Variants in UGT1A1 observed in about 807,000 individuals in gnomAD.
The protein encoded by UGT1A1 is UDP-glucuronosyltransferase 1A1.
Under a neutral mutation model 40.6 loss-of-function variants are expected in UGT1A1, and 33 were observed. The observed-to-expected ratio is 0.81, with a 90% CI of 0.62 to 1.09. UGT1A1 has a LOEUF of 1.09. UGT1A1 is among the 50% of genes least tolerant of loss of function. The pLI is 0.00. For synonymous variants in UGT1A1, 249 were observed against 265.0 expected (o/e 0.94, Z 0.59); for missense variants, 694 against 671.2 (o/e 1.03, Z -0.38).
Position 233,768,303 on chromosome 2 carries a change from A to C in UGT1A1, c.1168A>C (p.Met390Leu). The change falls in exon 4 of 5, where the codon ATG (methionine) becomes CTG (leucine). Residue 390 changes from methionine (M) to leucine (L), a missense_variant. Met to Leu is a conservative substitution (Grantham distance 15, BLOSUM62 2). Coordinates refer to ENST00000305208, the MANE Select transcript of UGT1A1 (RefSeq NM_000463.3). ...ESICNGVPMV[M>L]MPLFGDQMDN... ...CATATGCAATGGCGTTCCCATGGTG[A>C]TGATGCCCTTGTTTGGTGATCAGAT... 2 of 1,614,200 alleles carry C rather than the reference A, an allele frequency of 1.2e-6. No individual in the cohort carries two copies. Among genetic ancestry groups the C allele is most frequent in the Non-Finnish European group, 1.7e-6 (2 of 1,180,040 alleles).
intron 1 of UGT1A1, among the ~76,000 whole-genome samples, chr2:233,766,473 C>CA (rs574900488): frequency 1.1e-4 from 17 of 152,240 alleles, no homozygotes; most frequent in African/African-American, 4.1e-4. Context: ...TTTTTATAGG[C>CA]ACATGATGGG....
Position 233,772,354 on chromosome 2 carries a change from T to C in UGT1A1, c.1397T>C (p.Met466Thr). 1 of 1,614,252 alleles carries C rather than the reference T, an allele frequency of 6.2e-7. No individual in the cohort carries two copies. The highest frequency in any genetic ancestry group is 8.5e-7 in the Non-Finnish European group (1 of 1,180,050). ...GCCGTGTTCTGGGTGGAGTTTGTGATGAGGCACAAGGGCGCGCCACACCTG... is the reference window on the plus strand; with the variant it reads ...GCCGTGTTCTGGGTGGAGTTTGTGACGAGGCACAAGGGCGCGCCACACCTG... ...DLAVFWVEFV[M>T]RHKGAPHLRP... Residue 466 changes from methionine to threonine, a missense_variant, in exon 5 of 5, where the codon ATG becomes ACG. Transcript: ENST00000305208.
intron 2 of UGT1A1, 121 bp downstream of exon 2, chr2:233,767,286 C>T (rs967346318): frequency 1.9e-6 from 3 of 1,568,700 alleles, no homozygotes; most frequent in Non-Finnish European, 2.6e-6. Flanking sequence ...CCTGCCACTT[C>T]CCAACTATTA....
chr2:233,772,230 T>C (rs1167373810), intron 4 of UGT1A1, 32 bp from the exon 5 acceptor site: 1 of 1,613,798 alleles, frequency 6.2e-7, no homozygotes. Flanking sequence ...CCACAGGTGT[T>C]CCAGGCATAA....
intron 4 of UGT1A1, among the ~76,000 whole-genome samples, chr2:233,771,773 T>C (rs1700376889): frequency 6.6e-6 from 1 of 152,072 alleles, no homozygotes; most frequent in Non-Finnish European, 1.5e-5. Context: ...CGTCCCTCTC[T>C]CCTTTCCTCT....
intron 3 of UGT1A1, 107 bp from the exon 4 acceptor site, chr2:233,768,113 G>A (rs1271698331): frequency 1.3e-6 from 2 of 1,597,544 alleles, no homozygotes; most frequent in African/African-American, 2.7e-5. Context: ...TTTCTGCAAG[G>A]GCATGTGAGT....
Position 233,761,237 on chromosome 2 carries a change from G to A in UGT1A1, c.864+86G>A, listed in dbSNP as rs1002651373. 1.9e-6 allele frequency: 3 copies of A among 1,612,296 alleles called. No homozygotes were observed. The African/African-American group carries it at 4.0e-5, about 22-fold the overall frequency. Reference sequence around the variant, plus strand: ...GATTAACTAGCCCCAGATATATGCTGAGCAAGCATTCTGAGATAATTTAAA... The same window carrying A: ...GATTAACTAGCCCCAGATATATGCTAAGCAAGCATTCTGAGATAATTTAAA... On this transcript the variant is annotated intron_variant, in intron 1 of 4. Coordinates refer to ENST00000305208, the MANE Select transcript of UGT1A1 (RefSeq NM_000463.3).
rs1700539683 is a variant in UGT1A1 at position 233,772,631 on chromosome 2, T to C, written c.*72T>C. ...TTTCCAAACTTGAAAACAGAATCAG[T>C]GTTAAATTCATTTTATTCTTATTAA... On this transcript the variant is annotated 3_prime_UTR_variant, in exon 5 of 5. Coordinates refer to ENST00000305208, the MANE Select transcript of UGT1A1 (RefSeq NM_000463.3). 1.2e-5 allele frequency: 19 copies of C among 1,558,348 alleles called. No individual in the cohort carries two copies. The South Asian group carries it at 2.2e-4, about 18-fold the overall frequency.
chr2:233,767,666 C>T (rs143192680), intron 2 of UGT1A1, among the ~76,000 whole-genome samples, 183 bp from the exon 3 acceptor site: 1 of 152,190 alleles, frequency 6.6e-6, no homozygotes, highest in East Asian at 1.9e-4. Flanking sequence ...ACCCTTGTAA[C>T]TAAACCTCCA....
chr2:233,772,592 C>A lies in UGT1A1; in HGVS notation c.*33C>A. 1.3e-6 allele frequency: 2 copies of A among 1,599,668 alleles called. No homozygotes were observed. The highest frequency in any genetic ancestry group is 1.7e-6 in the Non-Finnish European group (2 of 1,172,304). On this transcript the variant is annotated 3_prime_UTR_variant, in exon 5 of 5. Transcript: ENST00000305208. ...GTGGGAAATAAGGTAAAATTTTGAA[C>A]CATTCCCTAGTCATTTCCAAACTTG...
Position 233,765,281 on chromosome 2 carries a change from A to G in UGT1A1, c.865-1753A>G, listed in dbSNP as rs552450239. On this transcript the variant is annotated intron_variant, in intron 1 of 4. Transcript: ENST00000305208. Reference sequence around the variant, plus strand: ...GTATATACCCAAAGAAATATAAATTATTCTACTATAAAGACACATGCACAT... The same window carrying G: ...GTATATACCCAAAGAAATATAAATTGTTCTACTATAAAGACACATGCACAT... Among the ~76,000 whole-genome samples, 6 of 152,338 alleles carry G rather than the reference A, an allele frequency of 3.9e-5. No homozygotes were observed. The East Asian group carries it at 1.2e-3, about 29-fold the overall frequency.
intron 1 of UGT1A1, among the ~76,000 whole-genome samples, chr2:233,764,720 G>A (rs1488683607): frequency 6.6e-6 from 1 of 152,208 alleles, no homozygotes; most frequent in African/African-American, 2.4e-5. Flanking sequence ...CCCCAAGAAA[G>A]AGGGAGAGAA....
intron 4 of UGT1A1, 33 bp downstream of exon 4, chr2:233,768,472 C>A: frequency 6.3e-7 from 1 of 1,596,838 alleles, no homozygotes; most frequent in South Asian, 1.1e-5. Flanking sequence ...ATACTTTGGT[C>A]ATGGCATTCA....
intron 4 of UGT1A1, chr2:233,771,178 A>T (rs1700251427): frequency 6.6e-6 from 1 of 152,240 alleles, no homozygotes; most frequent in African/African-American, 2.4e-5. Flanking sequence ...GGGGATTACA[A>T]TTCAACATGA....
intron 1 of UGT1A1, among the ~76,000 whole-genome samples, chr2:233,761,404 T>C (rs1310235983): frequency 6.6e-6 from 1 of 152,228 alleles, no homozygotes; most frequent in East Asian, 1.9e-4. Flanking sequence ...TAGTAATCAA[T>C]TAGAAACAAC....
Position 233,772,689 on chromosome 2 carries a change from A to G in UGT1A1, c.*130A>G. ...CTTTGCATAAATTAATCAGCCCCAG[A>G]GTGCTTTAAAAAATTCTCTTAAATA... On this transcript the variant is annotated 3_prime_UTR_variant, in exon 5 of 5. Transcript: ENST00000305208. 6.7e-7 allele frequency: 1 copy of G among 1,492,458 alleles called. No homozygotes were observed. Among genetic ancestry groups the G allele is most frequent in the Non-Finnish European group, 8.9e-7 (1 of 1,128,008 alleles). The allele number at this position is 1,492,458 out of a possible 1,614,324, so 92.5% of individuals were successfully genotyped here. A position where few individuals can be genotyped will look rare whatever the true frequency, so the allele number is the denominator to read the frequency against.
chr2:233,762,402 T>A (rs1251958312), intron 1 of UGT1A1, among the ~76,000 whole-genome samples: 1 of 152,262 alleles, frequency 6.6e-6, no homozygotes, highest in Non-Finnish European at 1.5e-5. Flanking sequence ...TAAAATTTTT[T>A]GGTTGCTTTT....
intron 2 of UGT1A1, 64 bp downstream of exon 2, chr2:233,767,229 A>T (rs1699343711): frequency 6.2e-7 from 1 of 1,610,454 alleles, no homozygotes; most frequent in South Asian, 1.1e-5. Context: ...CCAGACTTCC[A>T]GCTTCCAGAT....
rs764952775 is a variant in UGT1A1 at position 233,762,693 on chromosome 2, ATCTTT to A, written c.864+1547_864+1551del. Reference sequence around the variant, plus strand: ...CATTTGTTCTGTTTCTTTCTCATTCATCTTTTCTTAAGTATTTTACACGGTTTTTT... The same window carrying A: ...CATTTGTTCTGTTTCTTTCTCATTCATCTTAAGTATTTTACACGGTTTTTT... On this transcript the variant is annotated intron_variant, in intron 1 of 4. Coordinates refer to ENST00000305208, the MANE Select transcript of UGT1A1 (RefSeq NM_000463.3). Among the ~76,000 whole-genome samples, 18 of 148,206 alleles carry A rather than the reference ATCTTT, an allele frequency of 1.2e-4. No homozygotes were observed. In the East Asian group the frequency reaches 2.7e-3, roughly 23 times the overall value.
Sources: allele counts gnomAD v4.1 joint callset (sites outside exome capture counted in the v4.1 genomes callset), GRCh38; gene constraint gnomAD v4.1.1; transcripts MANE v1.5; gene names NCBI Gene and HGNC (gene_info 2026-07-23, HGNC 2026-07-21).